TRPM5: variants seen among roughly 807,000 people sequenced by gnomAD.
The protein encoded by TRPM5 is transient receptor potential cation channel subfamily M member 5, also known as MLSN1 and TRP-related.
TRPM5 carries 121 observed loss-of-function variants against 124.9 expected under a neutral mutation model. That is an observed-to-expected ratio of 0.97 (90% CI 0.84 to 1.13). The LOEUF is 1.13. Ranked by LOEUF, TRPM5 falls within the 50% of genes most tolerant of loss-of-function variation. The probability of loss-of-function intolerance (pLI) is 0.00; values close to 1 mark genes in which losing one functional copy is unlikely to be tolerated. For synonymous variants in TRPM5, 781 were observed against 700.5 expected (o/e 1.11, Z -1.81); for missense variants, 1,643 against 1,589.1 (o/e 1.03, Z -0.58).
At chr11:2,416,857 A>T (rs926202981) in intron 7 of TRPM5, among the ~76,000 whole-genome samples, 1 of 152,244 alleles carries the variant, frequency 6.6e-6, no homozygotes, top group Non-Finnish European at 1.5e-5. Context: ...GCGGGTGAAC[A>T]GACGCATCAA....
At chr11:2,414,009 G>GGGGGGGGCCCCCCCC in intron 12 of TRPM5, 52 bp downstream of exon 17, 8 of 1,023,716 alleles carry the variant, frequency 7.8e-6, no homozygotes, top group Non-Finnish European at 1.1e-5. Context: ...GGCCCAGCTC[G>GGGGGGGGCCCCCCCC]CCCGCCCACC....
At chr11:2,406,612 G>C in intron 21 of TRPM5, 49 bp downstream of exon 26, 1 of 1,547,586 alleles carries the variant, frequency 6.5e-7, no homozygotes, top group Non-Finnish European at 8.7e-7. Flanking sequence ...GCACATCCCC[G>C]CTTAAAGACA....
At chr11:2,434,504 T>G in the TRPM5 span, among the ~76,000 whole-genome samples, 1 of 151,856 alleles carries the variant, frequency 6.6e-6, no homozygotes, top group African/African-American at 2.4e-5. Flanking sequence ...TGTGTGTGTG[T>G]GTGTGGATGC....
chr11:2,435,557 A>G, the TRPM5 span, among the ~76,000 whole-genome samples: 2 of 151,538 alleles, frequency 1.3e-5, no homozygotes, highest in Non-Finnish European at 2.9e-5. This position sits in a 1 kb window ranked among gnomAD's most constrained non-coding sequence, Gnocchi z 4.1. Context: ...CTGTCGATTC[A>G]TCCATCTATC....
chr11:2,421,598 G>A (rs2133534581), intron 2 of TRPM5, among the ~76,000 whole-genome samples: 1 of 152,336 alleles, frequency 6.6e-6, no homozygotes, highest in South Asian at 2.1e-4. Context: ...ATCTCTTTGG[G>A]TTTGCCACAG....
rs1589870559 is a variant in TRPM5 at position 2,414,280 on chromosome 11, C to T, written c.1745-74G>A. ...CGGCCCCCGACGCCCCTCCTCCATC[C>T]CCTGCCCAGACCTGGGCTCTGCAGC... On this transcript the variant is annotated intron_variant, in intron 11 of 23. Transcript: ENST00000155858. 10 of 1,526,968 alleles carry T rather than the reference C, an allele frequency of 6.5e-6. No individual in the cohort carries two copies. In the East Asian group the frequency reaches 2.1e-4, roughly 33 times the overall value. The allele number at this position is 1,526,968 out of a possible 1,614,324, so 94.6% of individuals were successfully genotyped here. A position where few individuals can be genotyped will look rare whatever the true frequency, so the allele number is the denominator to read the frequency against.
the TRPM5 span, among the ~76,000 whole-genome samples, chr11:2,434,584 G>A: frequency 6.7e-6 from 1 of 148,658 alleles, no homozygotes; most frequent in African/African-American, 2.5e-5. Context: ...CTGTGTGGAC[G>A]CTGTATGTGA....
chr11:2,441,797 C>T, the TRPM5 span, among the ~76,000 whole-genome samples: 1 of 152,100 alleles, frequency 6.6e-6, no homozygotes, highest in Non-Finnish European at 1.5e-5. This position sits in a 1 kb window ranked among gnomAD's most constrained non-coding sequence, Gnocchi z 7.2. Flanking sequence ...CCAAGTGATT[C>T]TCCTGCCTCA....
chr11:2,411,746 C>T (rs1850456449), exon 17 of TRPM5: 1 of 1,612,532 alleles, frequency 6.2e-7, no homozygotes, highest in African/African-American at 1.3e-5. Context: ...TGCGGCCAGC[C>T]TCAAACGCCG....
At chr11:2,406,120 G>A (rs762971851) in intron 21 of TRPM5, 29 bp from the exon 27 acceptor site, 1 of 1,608,954 alleles carries the variant, frequency 6.2e-7, no homozygotes. Context: ...GTCAGGCTGT[G>A]GATGGCCACG....
At chr11:2,440,592 C>A in the TRPM5 span, among the ~76,000 whole-genome samples, 1 of 152,162 alleles carries the variant, frequency 6.6e-6, no homozygotes, top group African/African-American at 2.4e-5. This position sits in a 1 kb window ranked among gnomAD's most constrained non-coding sequence, Gnocchi z 5.2. Context: ...TGGAGACGCC[C>A]CTGGGACCCT....
At chr11:2,431,322 G>A in the TRPM5 span, among the ~76,000 whole-genome samples, 2 of 152,078 alleles carry the variant, frequency 1.3e-5, no homozygotes, top group Non-Finnish European at 2.9e-5. Context: ...CAAGGCGGAG[G>A]GTCCACTAGA....
At chr11:2,435,098 C>T in the TRPM5 span, among the ~76,000 whole-genome samples, 1 of 152,100 alleles carries the variant, frequency 6.6e-6, no homozygotes, top group Admixed American at 6.5e-5. The surrounding 1 kb of genome is among the most constrained non-coding windows in gnomAD (Gnocchi z 4.1). Flanking sequence ...CCACAGCCGG[C>T]CTGGGGAGAG....
At chr11:2,414,518 G>A (rs374549630) in intron 11 of TRPM5, among the ~76,000 whole-genome samples, 197 bp downstream of exon 16, 32 of 152,310 alleles carry the variant, frequency 2.1e-4, no homozygotes, top group African/African-American at 7.5e-4. Context: ...CGTGCACAGC[G>A]GTCCCACACT....
chr11:2,440,727 G>T, the TRPM5 span, among the ~76,000 whole-genome samples: 7 of 152,224 alleles, frequency 4.6e-5, no homozygotes, highest in Non-Finnish European at 7.3e-5. This position sits in a 1 kb window ranked among gnomAD's most constrained non-coding sequence, Gnocchi z 5.2. Context: ...CACTCAGCCG[G>T]TGCTCTGCGA....
At position 2,413,230 on chromosome 11, in the gene TRPM5, C is replaced by A. The variant is rs1026708333; in HGVS notation, c.2004-4G>T. 1.3e-6 allele frequency: 2 copies of A among 1,544,900 alleles called. No homozygotes were observed. Among genetic ancestry groups the A allele is most frequent in the Non-Finnish European group, 8.7e-7 (1 of 1,145,286 alleles). On this transcript the variant is annotated splice_region_variant and splice_polypyrimidine_tract_variant and intron_variant, in intron 13 of 23. Transcript: ENST00000155858. ...TGTCCTCAGGGGAGCTTCCTCACTGCGAGCACAGGAGAGCTCAGGGCCCGC... is the reference window on the plus strand; with the variant it reads ...TGTCCTCAGGGGAGCTTCCTCACTGAGAGCACAGGAGAGCTCAGGGCCCGC...
the TRPM5 span, among the ~76,000 whole-genome samples, chr11:2,435,088 C>T: frequency 2.0e-5 from 3 of 152,154 alleles, no homozygotes; most frequent in Non-Finnish European, 4.4e-5. This position sits in a 1 kb window ranked among gnomAD's most constrained non-coding sequence, Gnocchi z 4.1. Context: ...GCATGAGCCA[C>T]CACAGCCGGC....
chr11:2,412,389 G>T, intron 15 of TRPM5, 136 bp from the exon 21 acceptor site: 2 of 719,658 alleles, frequency 2.8e-6, no homozygotes, highest in Non-Finnish European at 4.8e-6. Context: ...TGGGACTAGG[G>T]GTCCACTGAA....
the TRPM5 span, among the ~76,000 whole-genome samples, chr11:2,434,261 G>A: frequency 6.6e-6 from 1 of 151,870 alleles, no homozygotes; most frequent in Admixed American, 6.6e-5. Flanking sequence ...CACTGTGTGT[G>A]CGTCTGTGTG....
Sources: gnomAD v4.1 joint callset for allele counts (sites outside exome capture counted in the v4.1 genomes callset) on GRCh38, gnomAD v4.1.1 for gene constraint, Gnocchi (gnomAD v3.1) non-coding constraint, MANE v1.5 for transcripts, NCBI Gene and HGNC (gene_info 2026-07-23, HGNC 2026-07-21) for gene names.